The following OPRM1 variants were observed in gnomAD, a reference collection of about 807,000 sequenced individuals.
The protein encoded by OPRM1 is mu-type opioid receptor.
In OPRM1, 27 loss-of-function variants were observed where a neutral mutation model predicts 31.8. The observed-to-expected ratio is 0.85, with a 90% CI of 0.63 to 1.17. OPRM1 has a LOEUF of 1.17. OPRM1 is among the 50% of genes most tolerant of loss of function. OPRM1 has a pLI of 0.00. For missense variants in OPRM1, 536 were observed against 511.1 expected, an observed-to-expected ratio of 1.05 and a Z score of -0.47; for synonymous variants, 196 against 189.9, an observed-to-expected ratio of 1.03 and a Z score of -0.26.
At chr6:154,071,304 T>A (rs1233482244) in intron 1 of OPRM1, among the ~76,000 whole-genome samples, 2 of 152,210 alleles carry the variant, frequency 1.3e-5, no homozygotes, top group African/African-American at 4.8e-5. Flanking sequence ...GGTTTCTGCC[T>A]GCTACAGATA....
chr6:154,189,484 G>A (rs1224482797), intron 3 of OPRM1, among the ~76,000 whole-genome samples: 3 of 151,108 alleles, frequency 2.0e-5, no homozygotes, highest in Admixed American at 6.6e-5. Context: ...GAAAAAATGT[G>A]CAAAACACAT....
intron 3 of OPRM1, among the ~76,000 whole-genome samples, chr6:154,199,420 T>G (rs1198765553): frequency 6.6e-6 from 1 of 152,244 alleles, no homozygotes; most frequent in African/African-American, 2.4e-5. Context: ...CATTATTTTA[T>G]GATCACATGT....
At chr6:154,039,200 TC>T, upstream of OPRM1, 1 of 1,551,690 alleles carries the variant, frequency 6.4e-7, no homozygotes, top group South Asian at 1.2e-5. Context: ...AGAGACCTAC[TC>T]CTTGGATCGC....
intron 1 of OPRM1, chr6:154,086,715 A>G: frequency 1.0e-6 from 1 of 985,394 alleles, no homozygotes; most frequent in Non-Finnish European, 1.2e-6. Context: ...CTGTAAAGAA[A>G]CCAATTACTT....
At chr6:154,181,631 T>C (rs1292735202) in intron 3 of OPRM1, among the ~76,000 whole-genome samples, 2 of 152,226 alleles carry the variant, frequency 1.3e-5, no homozygotes, top group African/African-American at 4.8e-5. Context: ...AGATCCCTGC[T>C]TGAACTACTG....
intron 3 of OPRM1, among the ~76,000 whole-genome samples, chr6:154,232,307 C>T (rs760054551): frequency 2.6e-5 from 4 of 152,206 alleles, no homozygotes; most frequent in Middle Eastern, 3.2e-3. Flanking sequence ...ATATCAGAAG[C>T]AGGCCTGGTA....
At chr6:154,107,771 T>G (rs1583579274) in intron 3 of OPRM1, 3 of 718,422 alleles carry the variant, frequency 4.2e-6, no homozygotes, top group Admixed American at 2.0e-5. Flanking sequence ...AGTTTGTTGC[T>G]GACCAACTTG....
At chr6:154,220,619 G>A (rs1220318652) in intron 3 of OPRM1, among the ~76,000 whole-genome samples, 2 of 152,126 alleles carry the variant, frequency 1.3e-5, no homozygotes, top group African/African-American at 4.8e-5. Context: ...TCCAGCCTGG[G>A]CAACAGAACA....
intron 1 of OPRM1, 143 bp from the exon 2 acceptor site, chr6:154,089,683 G>A: frequency 1.6e-6 from 1 of 613,936 alleles, no homozygotes. Context: ...ATTGTAAATA[G>A]CCAAGCTGAT....
intron 3 of OPRM1, among the ~76,000 whole-genome samples, chr6:154,200,808 G>A (rs1777006338): frequency 6.6e-6 from 1 of 152,130 alleles, no homozygotes; most frequent in South Asian, 2.1e-4. Flanking sequence ...ATACTCCTTA[G>A]TGCATGAAAA....
chr6:154,114,031 A>T (rs116663015), intron 3 of OPRM1, among the ~76,000 whole-genome samples: 2,518 of 152,110 alleles, frequency 0.017, 65 homozygotes, highest in African/African-American at 0.059. Context: ...AGGGCCCCCT[A>T]GGTGGTCTGC....
intron 3 of OPRM1, among the ~76,000 whole-genome samples, chr6:154,181,620 C>T (rs1800879001): frequency 6.6e-6 from 1 of 152,176 alleles, no homozygotes; most frequent in Non-Finnish European, 1.5e-5. Flanking sequence ...GACCAAGGCT[C>T]AGATCCCTGC....
In OPRM1 at chr6:154,168,069, T is replaced by C. The variant is rs1372788348; in HGVS notation, c.1164+76597T>C. 1 of 1,593,632 alleles carries C rather than the reference T, an allele frequency of 6.3e-7. No individual in the cohort carries two copies. Among genetic ancestry groups the C allele is most frequent in the Non-Finnish European group, 8.6e-7 (1 of 1,165,676 alleles). On this transcript the variant is annotated intron_variant, in intron 3 of 3. Transcript: ENST00000337049. This position sits in a 1 kb window ranked among gnomAD's most constrained non-coding sequence, Gnocchi z 4.1. Reference sequence around the variant, plus strand: ...GATAGACTAGCTTGCTCTAATGATTTGTACAGCTTCTCCATTTCATCATCT... The same window carrying C: ...GATAGACTAGCTTGCTCTAATGATTCGTACAGCTTCTCCATTTCATCATCT...
intron 1 of OPRM1, among the ~76,000 whole-genome samples, chr6:154,040,970 G>GTT (rs3836997): frequency 8.2e-5 from 12 of 146,116 alleles, no homozygotes; most frequent in Admixed American, 6.9e-4. Flanking sequence ...TAATTCGAGG[G>GTT]TTTTTTTTTT....
chr6:154,229,665 T>C (rs1779571757), intron 3 of OPRM1, among the ~76,000 whole-genome samples: 1 of 152,100 alleles, frequency 6.6e-6, no homozygotes, highest in African/African-American at 2.4e-5. Flanking sequence ...AGTTTGTCAG[T>C]TTCTAAAAAA....
intron 3 of OPRM1, among the ~76,000 whole-genome samples, chr6:154,229,524 T>C (rs1470230384): frequency 6.8e-6 from 1 of 147,678 alleles, no homozygotes; most frequent in Non-Finnish European, 1.5e-5. Context: ...TCATTTTTTG[T>C]ATTTTTTTTT....
intron 3 of OPRM1, among the ~76,000 whole-genome samples, chr6:154,111,177 T>C (rs998432546): frequency 2.0e-5 from 3 of 152,176 alleles, no homozygotes; most frequent in Non-Finnish European, 4.4e-5. Flanking sequence ...ATTCCATATG[T>C]CTGATTCAGG....
At chr6:154,081,123 G>A (rs1789009711) in intron 1 of OPRM1, among the ~76,000 whole-genome samples, 1 of 152,170 alleles carries the variant, frequency 6.6e-6, no homozygotes, top group Admixed American at 6.6e-5. Flanking sequence ...CAAACAAAAG[G>A]AGAAAATGTA....
intron 1 of OPRM1, among the ~76,000 whole-genome samples, chr6:154,015,029 CA>C (rs11309427): frequency 0.16 from 23,782 of 151,972 alleles, 2,554 homozygotes; most frequent in East Asian, 0.4. Context: ...TTCAAAGACA[CA>C]AAAGTAAACT....
Sources: allele counts gnomAD v4.1 joint callset (sites outside exome capture counted in the v4.1 genomes callset), GRCh38; gene constraint gnomAD v4.1.1; non-coding constraint Gnocchi (gnomAD v3.1); transcripts MANE v1.5; gene names NCBI Gene and HGNC (gene_info 2026-07-23, HGNC 2026-07-21).